The following ABCA13 variants were observed in gnomAD, a reference collection of about 807,000 sequenced individuals.
ABCA13 encodes ATP-binding cassette sub-family A member 13.
A neutral mutation model predicts 478.7 loss-of-function variants in ABCA13; 476 were observed. The observed-to-expected ratio is 0.99, with a 90% CI of 0.92 to 1.07. ABCA13 has a LOEUF of 1.07. ABCA13 is among the 50% of genes least tolerant of loss of function. The pLI, the probability that ABCA13 is intolerant of heterozygous loss-of-function variation, is 0.00. For missense variants in ABCA13, 6,060 were observed against 5,910.6 expected, an observed-to-expected ratio of 1.03 and a Z score of -0.83; for synonymous variants, 2,252 against 2,158.9, an observed-to-expected ratio of 1.04 and a Z score of -1.20.
chr7:48,463,776 C>CGGAATGGAATGGAATGGAAT (rs199992643), intron 43 of ABCA13, among the ~76,000 whole-genome samples: 1 of 106,410 alleles, frequency 9.4e-6, no homozygotes, highest in East Asian at 2.9e-4. Context: ...GGGAAAAGAA[C>CGGAATGGAATGGAATGGAAT]GGAATGGAAT....
At position 48,411,031 on chromosome 7, in the gene ABCA13, C is replaced by T. The variant is rs543861828; in HGVS notation, c.12228+354C>T. On this transcript the variant is annotated intron_variant, in intron 40 of 61. Coordinates refer to ENST00000435803, the MANE Select transcript of ABCA13 (RefSeq NM_152701.5). ...TCTTTCTTTCTTTCTTTCTTTCTTTCTTTCTTTCTTTCTTTCTTTTTCTTT... is the reference window on the plus strand; with the variant it reads ...TCTTTCTTTCTTTCTTTCTTTCTTTTTTTCTTTCTTTCTTTCTTTTTCTTT... Among the ~76,000 whole-genome samples, 97 of 115,956 alleles carry T rather than the reference C, an allele frequency of 8.4e-4. 3 individuals are homozygous for T. Among genetic ancestry groups the T allele is most frequent in the African/African-American group, 3.0e-3 (93 of 31,330 alleles). 76.1% of individuals were successfully genotyped at this position (115,956 alleles called of 152,430 possible).
rs571185108 is a variant in ABCA13, at chr7:48,314,248, A to T, written c.9698A>T (p.Gln3233Leu). The stretch of plus-strand genomic sequence containing the variant: ...TTTTCTCAGGTTTCACAAAATGTCC[A>T]GGCCAGAAGTTCAGCTTTTGGTTCT... ...LDFQQVSQNV[Q>L]ARSSAFGSFQ... Residue 3233 changes from glutamine (Q) to leucine (L), a missense_variant, in exon 26 of 62, where the codon CAG (glutamine) becomes CTG (leucine). Physicochemically the swap from Gln to Leu is moderately radical, Grantham distance 113. Coordinates refer to ENST00000435803, the MANE Select transcript of ABCA13 (RefSeq NM_152701.5). 1 of 1,611,592 alleles carries T rather than the reference A, an allele frequency of 6.2e-7. No individual in the cohort carries two copies. The highest frequency in any genetic ancestry group is 1.7e-5 in the Admixed American group (1 of 59,440).
intron 55 of ABCA13, among the ~76,000 whole-genome samples, chr7:48,556,008 T>G (rs77439749): frequency 6.6e-6 from 1 of 151,734 alleles, no homozygotes; most frequent in South Asian, 2.1e-4. Context: ...TGTTGTGCTC[T>G]CATTAGCATT....
rs1050308544 is a variant in ABCA13 at position 48,309,830 on chromosome 7, C to T, written c.9322-117C>T. Reference sequence around the variant, plus strand: ...GGCTCCCCGCATCTGCAGGTCAGTCCCGGGAGTTGGGAAATCCACTCTTGG... The same window carrying T: ...GGCTCCCCGCATCTGCAGGTCAGTCTCGGGAGTTGGGAAATCCACTCTTGG... On this transcript the variant is annotated intron_variant, in intron 23 of 61. Transcript: ENST00000435803. 8 of 1,174,426 alleles carry T rather than the reference C, an allele frequency of 6.8e-6. No homozygotes were observed. In the African/African-American group the frequency reaches 7.6e-5, roughly 11 times the overall value. 72.8% of individuals were successfully genotyped at this position (1,174,426 alleles called of 1,614,324 possible). A position where few individuals can be genotyped will look rare whatever the true frequency, so the allele number is the denominator to read the frequency against.
At position 48,351,380 on chromosome 7, in the gene ABCA13, G is replaced by A. The variant is rs78301561; in HGVS notation, c.10381+561G>A. Reference sequence around the variant, plus strand: ...CTTAAGGTTGCTGTAACAAAGTATCGCAGACTAAAACAAGAGAAGTTTATT... The same window carrying A: ...CTTAAGGTTGCTGTAACAAAGTATCACAGACTAAAACAAGAGAAGTTTATT... On this transcript the variant is annotated intron_variant, in intron 30 of 61. Coordinates refer to ENST00000435803, the MANE Select transcript of ABCA13 (RefSeq NM_152701.5). Among the ~76,000 whole-genome samples, 1,450 of 152,240 alleles carry A rather than the reference G, an allele frequency of 9.5e-3. 22 individuals carry two copies. The highest frequency in any genetic ancestry group is 0.033 in the African/African-American group (1,383 of 41,540).
At chr7:48,411,465 G>T (rs1819226615) in intron 40 of ABCA13, among the ~76,000 whole-genome samples, 1 of 151,832 alleles carries the variant, frequency 6.6e-6, no homozygotes, top group African/African-American at 2.4e-5. Flanking sequence ...ATGCCACCAG[G>T]CCCAGCTAAT....
chr7:48,402,863 A>G (rs1353279996), intron 38 of ABCA13, among the ~76,000 whole-genome samples: 4 of 152,298 alleles, frequency 2.6e-5, no homozygotes, highest in South Asian at 2.1e-4. Context: ...CTCCGAGGAG[A>G]CACTCCACTT....
chr7:48,413,331 C>A (rs186930455), intron 41 of ABCA13, among the ~76,000 whole-genome samples: 238 of 152,258 alleles, frequency 1.6e-3, no homozygotes, highest in African/African-American at 5.6e-3. Flanking sequence ...GAGCTCCCAT[C>A]CCCCAGGTCC....
chr7:48,368,549 C>T (rs118188141), intron 32 of ABCA13, among the ~76,000 whole-genome samples: 2,748 of 151,904 alleles, frequency 0.018, 34 homozygotes, highest in Non-Finnish European at 0.029. Flanking sequence ...TGAGTGAGAA[C>T]ATATGATGTT....
chr7:48,533,139 T>C (rs1311443782), intron 55 of ABCA13, among the ~76,000 whole-genome samples: 2 of 152,144 alleles, frequency 1.3e-5, no homozygotes, highest in Non-Finnish European at 2.9e-5. Context: ...TTTAAGGCTA[T>C]GAGCTTTCCT....
intron 48 of ABCA13, among the ~76,000 whole-genome samples, chr7:48,501,519 A>G (rs979813475): frequency 6.6e-5 from 10 of 152,130 alleles, no homozygotes; most frequent in Admixed American, 2.6e-4. Context: ...GCCTGTGCCA[A>G]ATGAAAATCT....
chr7:48,390,803 A>T (rs778109899), intron 37 of ABCA13, among the ~76,000 whole-genome samples: 1 of 152,174 alleles, frequency 6.6e-6, no homozygotes, highest in Non-Finnish European at 1.5e-5. Context: ...TATCCACCAT[A>T]TGGAGGCAAC....
At chr7:48,203,733 G>A (rs967303524) in intron 3 of ABCA13, among the ~76,000 whole-genome samples, 3 of 152,218 alleles carry the variant, frequency 2.0e-5, no homozygotes, top group Non-Finnish European at 4.4e-5. Context: ...ATGCGAATGT[G>A]CTGTCTAAAC....
Position 48,365,427 on chromosome 7 carries a change from T to A in ABCA13, c.10689-2367T>A, listed in dbSNP as rs1396803210. 2.0e-5 allele frequency among the ~76,000 whole-genome samples: 3 copies of A among 152,290 alleles called. No individual in the cohort carries two copies. In the East Asian group the frequency reaches 5.8e-4, roughly 29 times the overall value. Reference sequence around the variant, plus strand: ...AGAAGCTTTTTAGCTTGATGTAACATCATTTGTCTATTTTTGCTTTTGTTG... The same window carrying A: ...AGAAGCTTTTTAGCTTGATGTAACAACATTTGTCTATTTTTGCTTTTGTTG... On this transcript the variant is annotated intron_variant, in intron 31 of 61. Transcript: ENST00000435803.
intron 32 of ABCA13, among the ~76,000 whole-genome samples, 182 bp downstream of exon 32, chr7:48,368,090 A>G (rs1585034912): frequency 6.6e-6 from 1 of 152,264 alleles, no homozygotes; most frequent in African/African-American, 2.4e-5. Context: ...TGAAGTCTGA[A>G]GCAATGCCAG....
chr7:48,573,787 G>A (rs765871442), intron 55 of ABCA13, among the ~76,000 whole-genome samples: 1 of 151,980 alleles, frequency 6.6e-6, no homozygotes, highest in Non-Finnish European at 1.5e-5. Context: ...GCTTAAACCA[G>A]GAAAATTTAT....
intron 1 of ABCA13, among the ~76,000 whole-genome samples, chr7:48,178,621 G>A (rs1795207566): frequency 1.3e-5 from 2 of 151,786 alleles, no homozygotes; most frequent in South Asian, 4.2e-4. Flanking sequence ...GCTGCAGTGA[G>A]CCGAGCTCGC....
intron 56 of ABCA13, 105 bp from the exon 57 acceptor site, chr7:48,587,049 C>T (rs7778411): frequency 2.7e-6 from 4 of 1,455,202 alleles, no homozygotes; most frequent in South Asian, 1.2e-5. Flanking sequence ...GTGTGAAGGT[C>T]GGCAGGGTTA....
intron 59 of ABCA13, among the ~76,000 whole-genome samples, chr7:48,618,948 T>C (rs980211941): frequency 9.9e-5 from 15 of 152,216 alleles, no homozygotes; most frequent in Non-Finnish European, 1.3e-4. Flanking sequence ...TTCAAAGTAT[T>C]AGAATACAGA....
Sources: allele counts gnomAD v4.1 joint callset (sites outside exome capture counted in the v4.1 genomes callset), GRCh38; gene constraint gnomAD v4.1.1; transcripts MANE v1.5; gene names NCBI Gene and HGNC (gene_info 2026-07-23, HGNC 2026-07-21).